Variants in TUNAR observed in about 807,000 individuals in gnomAD.
TUNAR encodes the protein protein TUNAR.
chr14:95,886,125 G>A (rs962948888), intron 2 of TUNAR, among the ~76,000 whole-genome samples: 13 of 152,190 alleles, frequency 8.5e-5, no homozygotes, highest in Admixed American at 3.3e-4. Flanking sequence ...CTCTGCAAAT[G>A]CATTCAGGCT....
intron 2 of TUNAR, among the ~76,000 whole-genome samples, chr14:95,911,570 T>C (rs1889514466): frequency 6.6e-6 from 1 of 152,198 alleles, no homozygotes; most frequent in Non-Finnish European, 1.5e-5. Context: ...TCTGCTAGAT[T>C]TGTCAGACAA....
At chr14:95,906,601 T>G (rs183967747) in intron 2 of TUNAR, among the ~76,000 whole-genome samples, 23 of 152,394 alleles carry the variant, frequency 1.5e-4, no homozygotes, top group Admixed American at 1.4e-3. Context: ...CCTTATGCTA[T>G]CCAATCAAAA....
chr14:95,918,955 C>G (rs748877383), intron 2 of TUNAR, among the ~76,000 whole-genome samples: 1 of 152,156 alleles, frequency 6.6e-6, no homozygotes, highest in Non-Finnish European at 1.5e-5. Flanking sequence ...GCTCCATGCC[C>G]GGCATCACGC....
At chr14:95,910,179 T>C (rs1312558213) in intron 2 of TUNAR, among the ~76,000 whole-genome samples, 1 of 152,236 alleles carries the variant, frequency 6.6e-6, no homozygotes, top group African/African-American at 2.4e-5. Flanking sequence ...ATCTCTAAAA[T>C]GCAGATAATG....
At chr14:95,924,888 T>C (rs1010216818) in exon 3 of TUNAR, 2 of 152,268 alleles carry the variant, frequency 1.3e-5, no homozygotes, top group African/African-American at 4.8e-5. Context: ...TTCTATAGTC[T>C]ATGCCTGCAG....
At chr14:95,881,567 T>C (rs556114658) in intron 2 of TUNAR, among the ~76,000 whole-genome samples, 4 of 152,324 alleles carry the variant, frequency 2.6e-5, no homozygotes, top group Admixed American at 2.6e-4. Flanking sequence ...GAGGAACACA[T>C]GTAAGACCTT....
rs1050737299 is a variant in TUNAR at position 95,919,297 on chromosome 14, T to A, written c.13-3484T>A. On this transcript the variant is annotated intron_variant, in intron 2 of 2. Coordinates refer to ENST00000678517, the Ensembl canonical transcript of TUNAR. ...TGTGCCCGGCAGCTCCTCTTCTAGG[T>A]ATGTATGTAGTAATAGGAAATGCAC... 8.5e-5 allele frequency among the ~76,000 whole-genome samples: 13 copies of A among 152,356 alleles called. No homozygotes were observed. The Middle Eastern group carries it at 0.01, about 120-fold the overall frequency.
intron 2 of TUNAR, among the ~76,000 whole-genome samples, chr14:95,891,752 C>T (rs1010937814): frequency 6.6e-6 from 1 of 152,226 alleles, no homozygotes; most frequent in Non-Finnish European, 1.5e-5. Context: ...TGGATTAAGA[C>T]AACAGAAATG....
chr14:95,896,510 G>A (rs1264836414), intron 2 of TUNAR, among the ~76,000 whole-genome samples: 1 of 152,182 alleles, frequency 6.6e-6, no homozygotes, highest in African/African-American at 2.4e-5. Flanking sequence ...GAAGGGACTG[G>A]GCTGGGTGAG....
At chr14:95,885,339 C>T (rs1889058987) in intron 2 of TUNAR, among the ~76,000 whole-genome samples, 3 of 152,156 alleles carry the variant, frequency 2.0e-5, no homozygotes, top group Admixed American at 2.0e-4. Flanking sequence ...TAGAGATGTT[C>T]CCTGCCTTTT....
At chr14:95,884,868 C>A (rs1050200305) in intron 2 of TUNAR, among the ~76,000 whole-genome samples, 4 of 152,044 alleles carry the variant, frequency 2.6e-5, no homozygotes, top group Non-Finnish European at 5.9e-5. Context: ...GAAAGTATTT[C>A]TCTGGCCTTT....
intron 2 of TUNAR, among the ~76,000 whole-genome samples, chr14:95,877,450 C>T (rs960655624): frequency 1.3e-5 from 2 of 152,184 alleles, no homozygotes; most frequent in African/African-American, 4.8e-5. Flanking sequence ...GTGTATGCAG[C>T]TAGGTTCAGA....
intron 2 of TUNAR, among the ~76,000 whole-genome samples, chr14:95,920,567 GCA>G (rs770372250): frequency 3.9e-5 from 6 of 152,116 alleles, no homozygotes; most frequent in African/African-American, 1.4e-4. Context: ...GTTCACTTAT[GCA>G]CAGTTTCATG....
intron 2 of TUNAR, among the ~76,000 whole-genome samples, chr14:95,920,296 G>T (rs529440910): frequency 7.9e-4 from 120 of 152,092 alleles, no homozygotes; most frequent in African/African-American, 2.6e-3. Flanking sequence ...GAGGCCCCTG[G>T]GTGCTGGAAG....
intron 2 of TUNAR, among the ~76,000 whole-genome samples, chr14:95,906,178 A>C (rs1420250777): frequency 6.6e-6 from 1 of 152,160 alleles, no homozygotes; most frequent in African/African-American, 2.4e-5. Flanking sequence ...GGAGAATGGC[A>C]TAGAGAAACC....
At chr14:95,917,651 T>C (rs1342694875) in intron 2 of TUNAR, among the ~76,000 whole-genome samples, 1 of 152,246 alleles carries the variant, frequency 6.6e-6, no homozygotes, top group Non-Finnish European at 1.5e-5. Flanking sequence ...GTCTTCTTTT[T>C]CATGTTGGTC....
Position 95,895,699 on chromosome 14 carries a change from C to T in TUNAR, c.12+18522C>T, listed in dbSNP as rs780842506. 1 of 152,554 alleles carries T rather than the reference C, an allele frequency of 6.6e-6. No individual in the cohort carries two copies. Among genetic ancestry groups the T allele is most frequent in the Middle Eastern group, 3.4e-3 (1 of 294 alleles). The allele number at this position is 152,554 out of a possible 1,614,324, so 9.5% of individuals were successfully genotyped here. Reference sequence around the variant, plus strand: ...TGGCATCTTCCTCACCCCCAGCACCCTATGCACCAGACCTTGGGAAGGTGT... The same window carrying T: ...TGGCATCTTCCTCACCCCCAGCACCTTATGCACCAGACCTTGGGAAGGTGT... On this transcript the variant is annotated intron_variant, in intron 2 of 2. Transcript: ENST00000678517. The surrounding 1 kb of genome is among the most constrained non-coding windows in gnomAD (Gnocchi z 4.5).
At chr14:95,909,569 C>T (rs959438216) in intron 2 of TUNAR, among the ~76,000 whole-genome samples, 1 of 152,138 alleles carries the variant, frequency 6.6e-6, no homozygotes, top group African/African-American at 2.4e-5. Context: ...AGGCGTGAGC[C>T]ACCGTGCCCG....
chr14:95,876,901 G>T (rs1259554917), exon 2 of TUNAR: 3 of 152,410 alleles, frequency 2.0e-5, no homozygotes, highest in African/African-American at 7.2e-5. Context: ...AGGAGCCCCC[G>T]GGTGCCGCCC....
Sources: allele counts gnomAD v4.1 joint callset (sites outside exome capture counted in the v4.1 genomes callset), GRCh38; gene constraint gnomAD v4.1.1; non-coding constraint Gnocchi (gnomAD v3.1); transcripts MANE v1.5; gene names NCBI Gene and HGNC (gene_info 2026-07-23, HGNC 2026-07-21).